NAV2: variants seen among roughly 807,000 people sequenced by gnomAD.
The protein encoded by NAV2 is neuron navigator 2.
A neutral mutation model predicts 223.2 loss-of-function variants in NAV2; 54 were observed. The ratio of observed to expected loss-of-function variants is 0.24; its 90% CI spans 0.19 to 0.30. NAV2 has a LOEUF of 0.30. NAV2 is among the 10% of genes least tolerant of loss of function. The pLI is 1.00. For synonymous variants in NAV2, 1,279 were observed against 1,239.3 expected (o/e 1.03, Z -0.67); for missense variants, 2,806 against 3,147.5 (o/e 0.89, Z 2.60).
chr11:19,643,005 G>C (rs1159913722), intron 1 of NAV2, among the ~76,000 whole-genome samples: 2 of 152,136 alleles, frequency 1.3e-5, no homozygotes, highest in African/African-American at 4.8e-5. Flanking sequence ...TTTTCACTAA[G>C]GTATTCTGAG....
chr11:19,517,710 G>C (rs993254386), intron 1 of NAV2, among the ~76,000 whole-genome samples: 1 of 152,240 alleles, frequency 6.6e-6, no homozygotes, highest in Non-Finnish European at 1.5e-5. Flanking sequence ...GCTCCTAAAG[G>C]AGTGGTTCTC....
At chr11:20,080,557 A>G (rs549887483) in intron 25 of NAV2, among the ~76,000 whole-genome samples, 2 of 71,954 alleles carry the variant, frequency 2.8e-5, no homozygotes, top group East Asian at 1.0e-3. Context: ...TGGTTTCTTC[A>G]TAGATCCAAA....
chr11:19,663,711 A>G (rs2048344939), intron 1 of NAV2, among the ~76,000 whole-genome samples: 1 of 152,082 alleles, frequency 6.6e-6, no homozygotes, highest in Non-Finnish European at 1.5e-5. Context: ...TTCTCCCTCT[A>G]TTATTCAAAA....
chr11:19,726,836 G>T (rs558674347), intron 1 of NAV2, among the ~76,000 whole-genome samples: 2 of 152,272 alleles, frequency 1.3e-5, no homozygotes, highest in South Asian at 2.1e-4. Flanking sequence ...AGAAATGAAA[G>T]TTTAAGAAAC....
chr11:19,598,933 A>C (rs1731372475), intron 1 of NAV2, among the ~76,000 whole-genome samples: 1 of 152,020 alleles, frequency 6.6e-6, no homozygotes, highest in African/African-American at 2.4e-5. Context: ...TTTGGTTCCA[A>C]CTGTGTTCTC....
At chr11:19,821,194 G>A (rs1041435314) in intron 1 of NAV2, among the ~76,000 whole-genome samples, 8 of 151,522 alleles carry the variant, frequency 5.3e-5, no homozygotes, top group South Asian at 4.2e-4. Flanking sequence ...CCCGGGAGGC[G>A]GAGCTTGCAG....
rs118004022 is a variant in NAV2, at chr11:19,707,757, C to T, written c.76-124727C>T. ...ATTAGGCACTGTACATGGTTGTGTGCGCTATACTTTTATAAAACTTGCAGC... is the reference window on the plus strand; with the variant it reads ...ATTAGGCACTGTACATGGTTGTGTGTGCTATACTTTTATAAAACTTGCAGC... On this transcript the variant is annotated intron_variant, in intron 1 of 37. Coordinates refer to the NAV2 transcript ENST00000360655. 9.8e-3 allele frequency among the ~76,000 whole-genome samples: 1,486 copies of T among 152,210 alleles called. 14 individuals carry two copies. Among genetic ancestry groups the T allele is most frequent in the Middle Eastern group, 0.017 (5 of 294 alleles).
intron 1 of NAV2, among the ~76,000 whole-genome samples, chr11:19,504,717 C>T (rs1261889528): frequency 6.6e-6 from 1 of 152,186 alleles, no homozygotes; most frequent in African/African-American, 2.4e-5. Context: ...TGCTTTCTGA[C>T]CCAACAAAAT....
At position 19,998,114 on chromosome 11, in the gene NAV2, T is replaced by C. The variant is rs2052107766; in HGVS notation, c.2768+13867T>C. Among the ~76,000 whole-genome samples the C allele has an allele frequency of 6.7e-6, 1 of 150,018 alleles. No homozygotes were observed. Among genetic ancestry groups the C allele is most frequent in the Non-Finnish European group, 1.5e-5 (1 of 66,928 alleles). ...GCTGGGCATATACAGTAGGAGACGT[T>C]TGCTATATTTTAGGTAATTAATATT... On this transcript the variant is annotated intron_variant, in intron 11 of 37. Transcript: ENST00000349880. The surrounding 1 kb of genome is among the most constrained non-coding windows in gnomAD (Gnocchi z 5.0).
At position 19,509,862 on chromosome 11, in the gene NAV2, G is replaced by GAAA. The variant is rs11455959; in HGVS notation, c.75+158843_75+158845dup. Among the ~76,000 whole-genome samples the GAAA allele has an allele frequency of 2.2e-4, 33 of 150,832 alleles. 1 individual carries two copies. The highest frequency in any genetic ancestry group is 7.6e-4 in the African/African-American group (31 of 40,928). On this transcript the variant is annotated intron_variant, in intron 1 of 37. Coordinates refer to the NAV2 transcript ENST00000360655. Reference sequence around the variant, plus strand: ...AAAACATCCAACTGGAAAGAAATAGGAAAAAAAAAATGTTATGAGCTGGGT... The same window carrying GAAA: ...AAAACATCCAACTGGAAAGAAATAGGAAAAAAAAAAAAATGTTATGAGCTGGGT...
chr11:19,550,870 C>A (rs2044667816), intron 1 of NAV2, among the ~76,000 whole-genome samples: 2 of 152,218 alleles, frequency 1.3e-5, no homozygotes. Context: ...AGAGTTACTG[C>A]CCCTTTCCAT....
At chr11:19,850,532 G>A (rs541031372) in intron 3 of NAV2, among the ~76,000 whole-genome samples, 13 of 152,272 alleles carry the variant, frequency 8.5e-5, no homozygotes, top group Non-Finnish European at 1.8e-4. Context: ...ATTATCTACA[G>A]CTGAGCAGTG....
At chr11:19,975,853 C>G (rs1425943391) in intron 10 of NAV2, among the ~76,000 whole-genome samples, 1 of 152,150 alleles carries the variant, frequency 6.6e-6, no homozygotes, top group Non-Finnish European at 1.5e-5. Flanking sequence ...GGTCTGTGAG[C>G]CAACTCATGC....
chr11:19,554,192 A>G (rs1344867919), intron 1 of NAV2, among the ~76,000 whole-genome samples: 3 of 152,218 alleles, frequency 2.0e-5, no homozygotes, highest in African/African-American at 7.2e-5. Context: ...GCAGGCATTT[A>G]CTTTATTCAG....
At chr11:19,885,828 C>G (rs995568987) in intron 5 of NAV2, among the ~76,000 whole-genome samples, 5 of 152,162 alleles carry the variant, frequency 3.3e-5, no homozygotes, top group Admixed American at 6.5e-5. Context: ...CTTCATTTAT[C>G]ACAAATACAT....
At chr11:19,791,379 G>T (rs1412051694) in intron 1 of NAV2, among the ~76,000 whole-genome samples, 1 of 152,100 alleles carries the variant, frequency 6.6e-6, no homozygotes, top group East Asian at 1.9e-4. Flanking sequence ...AATCTGCTGG[G>T]GCCTCTGAAC....
intron 1 of NAV2, among the ~76,000 whole-genome samples, chr11:19,667,450 G>A (rs1278013104): frequency 1.3e-5 from 2 of 152,204 alleles, no homozygotes; most frequent in Non-Finnish European, 2.9e-5. Flanking sequence ...ACCTGTGGGT[G>A]TGCTTTGGGG....
chr11:19,793,073 G>A (rs902930386), intron 1 of NAV2, among the ~76,000 whole-genome samples: 1 of 151,900 alleles, frequency 6.6e-6, no homozygotes, highest in African/African-American at 2.4e-5. Flanking sequence ...GCTGGGCATG[G>A]TGGTGGGCAC....
intron 1 of NAV2, among the ~76,000 whole-genome samples, chr11:19,356,759 G>A (rs61141889): frequency 6.6e-6 from 1 of 152,186 alleles, no homozygotes; most frequent in Non-Finnish European, 1.5e-5. Flanking sequence ...CACTGTGGCT[G>A]TATTAGGATT....
Sources: gnomAD v4.1 joint callset for allele counts (sites outside exome capture counted in the v4.1 genomes callset) on GRCh38, gnomAD v4.1.1 for gene constraint, Gnocchi (gnomAD v3.1) non-coding constraint, MANE v1.5 for transcripts, NCBI Gene and HGNC (gene_info 2026-07-23, HGNC 2026-07-21) for gene names.